Variants in GSK3B observed in about 807,000 individuals in gnomAD.
The protein encoded by GSK3B is glycogen synthase kinase-3 beta.
GSK3B carries 15 observed loss-of-function variants against 56.4 expected under a neutral mutation model. That is an observed-to-expected ratio of 0.27 (90% CI 0.18 to 0.41). The LOEUF is 0.41. Ranked by LOEUF, GSK3B falls within the 10% of genes least tolerant of loss-of-function variation. The pLI is 1.00. For synonymous variants in GSK3B, 181 were observed against 188.9 expected, an observed-to-expected ratio of 0.96 and a Z score of 0.34; for missense variants, 300 against 513.4, an observed-to-expected ratio of 0.58 and a Z score of 4.02.
chr3:120,031,017 T>G (rs538569834), intron 1 of GSK3B, among the ~76,000 whole-genome samples: 1 of 152,200 alleles, frequency 6.6e-6, no homozygotes, highest in African/African-American at 2.4e-5. Flanking sequence ...CCCAACAAAC[T>G]CATCTATTAT....
chr3:119,826,957 C>CCAAG, intron 10 of GSK3B, 102 bp from the exon 11 acceptor site: 1 of 715,322 alleles, frequency 1.4e-6, no homozygotes, highest in Admixed American at 2.5e-5. Context: ...GTATGGCCTT[C>CCAAG]CAAGCTGTTA....
At chr3:120,000,309 A>G (rs764092670) in intron 2 of GSK3B, among the ~76,000 whole-genome samples, 7 of 152,260 alleles carry the variant, frequency 4.6e-5, no homozygotes, top group Non-Finnish European at 8.8e-5. Flanking sequence ...TCATAGTTAG[A>G]TAAGATGGCT....
chr3:119,875,451 G>A (rs963444110), intron 8 of GSK3B, among the ~76,000 whole-genome samples: 2 of 151,408 alleles, frequency 1.3e-5, no homozygotes, highest in Admixed American at 6.6e-5. Context: ...AATACAGTAA[G>A]TCTCTCCTTA....
At chr3:120,065,068 C>A (rs1262697375) in intron 1 of GSK3B, among the ~76,000 whole-genome samples, 1 of 152,060 alleles carries the variant, frequency 6.6e-6, no homozygotes, top group Non-Finnish European at 1.5e-5. Flanking sequence ...TTTGACAATG[C>A]TCTTTTTAGA....
intron 1 of GSK3B, among the ~76,000 whole-genome samples, chr3:120,009,607 G>A (rs188238982): frequency 5.9e-5 from 9 of 152,004 alleles, no homozygotes; most frequent in East Asian, 3.9e-4. Context: ...ACCAAACACC[G>A]CATGTTCTCA....
chr3:119,981,966 G>A (rs1410217725), intron 2 of GSK3B, among the ~76,000 whole-genome samples: 1 of 152,156 alleles, frequency 6.6e-6, no homozygotes, highest in Admixed American at 6.5e-5. Flanking sequence ...CCTCATATAG[G>A]CAGCTGCCCC....
chr3:120,077,773 G>A (rs1226799959), intron 1 of GSK3B, among the ~76,000 whole-genome samples: 1 of 151,930 alleles, frequency 6.6e-6, no homozygotes, highest in East Asian at 1.9e-4. Flanking sequence ...AATATACATA[G>A]TAACATTTAT....
intron 1 of GSK3B, among the ~76,000 whole-genome samples, chr3:120,002,455 C>T (rs2057688362): frequency 6.6e-6 from 1 of 151,992 alleles, no homozygotes; most frequent in African/African-American, 2.4e-5. Flanking sequence ...TCTCCTGCCT[C>T]AGCCTCCCGA....
At chr3:119,887,531 A>C (rs1472532385) in intron 7 of GSK3B, among the ~76,000 whole-genome samples, 1 of 152,158 alleles carries the variant, frequency 6.6e-6, no homozygotes, top group East Asian at 1.9e-4. Context: ...GAGGATTAAC[A>C]GGTTAGACAC....
At chr3:119,852,921 A>T (rs949760879) in intron 9 of GSK3B, among the ~76,000 whole-genome samples, 14 of 152,094 alleles carry the variant, frequency 9.2e-5, no homozygotes, top group Admixed American at 6.5e-4. Flanking sequence ...GAAGCTCTTT[A>T]GCTTAATTAG....
At chr3:120,056,375 G>C (rs894640816) in intron 1 of GSK3B, among the ~76,000 whole-genome samples, 1 of 152,178 alleles carries the variant, frequency 6.6e-6, no homozygotes, top group Non-Finnish European at 1.5e-5. Context: ...GTCTCGATCT[G>C]TTGTCCAGGC....
chr3:119,861,362 T>C (rs1319693396), intron 9 of GSK3B, among the ~76,000 whole-genome samples: 1 of 151,606 alleles, frequency 6.6e-6, no homozygotes, highest in Non-Finnish European at 1.5e-5. Context: ...AATACAAAAA[T>C]TAGCCAGGTA....
intron 6 of GSK3B, among the ~76,000 whole-genome samples, chr3:119,910,332 G>A (rs2056723147): frequency 1.3e-5 from 2 of 152,042 alleles, no homozygotes; most frequent in Non-Finnish European, 2.9e-5. Flanking sequence ...ATAACAATAA[G>A]ACACAATAAA....
intron 3 of GSK3B, among the ~76,000 whole-genome samples, chr3:119,940,425 T>G (rs2057037277): frequency 6.6e-6 from 1 of 151,978 alleles, no homozygotes; most frequent in Non-Finnish European, 1.5e-5. Flanking sequence ...ACATACCTGC[T>G]CTCGAAAAAG....
In GSK3B at chr3:120,053,200, G is replaced by A. The variant is rs367588010; in HGVS notation, c.88+40147C>T. Among the ~76,000 whole-genome samples, 8 of 152,282 alleles carry A rather than the reference G, an allele frequency of 5.3e-5. No homozygotes were observed. In the East Asian group the frequency reaches 7.7e-4, roughly 15 times the overall value. ...AAAAATACAAAAATTAGCCGGGTGT[G>A]TTGGCGGGAGCCTGTAATCCCAGCT... On this transcript the variant is annotated intron_variant, in intron 1 of 10. Coordinates refer to ENST00000264235, the MANE Select transcript of GSK3B (RefSeq NM_001146156.2).
chr3:119,884,603 C>T (rs1218363555), intron 7 of GSK3B, among the ~76,000 whole-genome samples: 1 of 151,968 alleles, frequency 6.6e-6, no homozygotes, highest in Non-Finnish European at 1.5e-5. Flanking sequence ...TCACTGACTC[C>T]CTAAAATGGT....
At chr3:119,866,563 T>A in intron 8 of GSK3B, 3 of 1,530,692 alleles carry the variant, frequency 2.0e-6, no homozygotes, top group Non-Finnish European at 2.7e-6. Flanking sequence ...GCCCTGAAAT[T>A]TTGGGAAAAA....
At chr3:119,859,761 T>TA (rs2056074277) in intron 9 of GSK3B, among the ~76,000 whole-genome samples, 1 of 152,160 alleles carries the variant, frequency 6.6e-6, no homozygotes, top group Admixed American at 6.6e-5. Flanking sequence ...CAGATACTCT[T>TA]ACCCCCCGCC....
At chr3:119,873,027 AC>A (rs1367959339) in intron 8 of GSK3B, among the ~76,000 whole-genome samples, 2 of 152,132 alleles carry the variant, frequency 1.3e-5, no homozygotes, top group Non-Finnish European at 2.9e-5. Flanking sequence ...TACAGCGTAC[AC>A]CAAGGCATAG....
Sources: gnomAD v4.1 joint callset for allele counts (sites outside exome capture counted in the v4.1 genomes callset) on GRCh38, gnomAD v4.1.1 for gene constraint, MANE v1.5 for transcripts, NCBI Gene and HGNC (gene_info 2026-07-23, HGNC 2026-07-21) for gene names.